Variants in PARD3 observed in about 807,000 individuals in gnomAD.
PARD3 encodes partitioning defective 3 homolog.
In PARD3, 75 loss-of-function variants were observed where a neutral mutation model predicts 155.4. The observed-to-expected ratio is 0.48, with a 90% CI of 0.40 to 0.58. The LOEUF is 0.58. Ranked by LOEUF, PARD3 falls within the 20% of genes least tolerant of loss-of-function variation. PARD3 has a pLI of 0.00. For synonymous variants in PARD3, 576 were observed against 610.5 expected (o/e 0.94, Z 0.83); for missense variants, 1,642 against 1,721.7 (o/e 0.95, Z 0.82).
chr10:34,345,999 T>C, intron 15 of PARD3: 6 of 985,118 alleles, frequency 6.1e-6, no homozygotes, highest in Non-Finnish European at 7.2e-6. Context: ...CTTAAGAAAA[T>C]ATCCAAATCA....
chr10:34,206,246 A>G (rs953814202), intron 22 of PARD3, among the ~76,000 whole-genome samples: 3 of 152,356 alleles, frequency 2.0e-5, no homozygotes, highest in East Asian at 1.9e-4. Context: ...TTGCTGGTCC[A>G]GGGCTCTAGC....
intron 5 of PARD3, among the ~76,000 whole-genome samples, chr10:34,408,246 A>G (rs922186506): frequency 6.6e-6 from 1 of 152,114 alleles, no homozygotes; most frequent in Non-Finnish European, 1.5e-5. Context: ...TCATGGTACA[A>G]TTTACAATAT....
chr10:34,126,526 G>A (rs934350945), intron 23 of PARD3, among the ~76,000 whole-genome samples: 1 of 152,138 alleles, frequency 6.6e-6, no homozygotes, highest in Admixed American at 6.6e-5. Context: ...AAACTAAAAT[G>A]ATTACAAACC....
chr10:34,468,941 G>A lies in PARD3; in HGVS notation c.582+1144C>T, dbSNP rs546760567. 9.9e-5 allele frequency among the ~76,000 whole-genome samples: 15 copies of A among 152,276 alleles called. No homozygotes were observed. The South Asian group carries it at 2.9e-3, about 29-fold the overall frequency. On this transcript the variant is annotated intron_variant, in intron 4 of 24. Transcript: ENST00000374788. ...ATTTTGACATTTCTCAATATATACTGTGCTAACTTACTGGCTGCACTGAAA... is the reference window on the plus strand; with the variant it reads ...ATTTTGACATTTCTCAATATATACTATGCTAACTTACTGGCTGCACTGAAA...
chr10:34,367,214 T>C (rs1840048349), intron 12 of PARD3, among the ~76,000 whole-genome samples: 1 of 152,190 alleles, frequency 6.6e-6, no homozygotes, highest in East Asian at 1.9e-4. Flanking sequence ...ACAAACGTAA[T>C]AGGTTAAAGG....
intron 2 of PARD3, among the ~76,000 whole-genome samples, chr10:34,683,459 T>C (rs1564502879): frequency 4.0e-5 from 6 of 148,448 alleles, no homozygotes. Flanking sequence ...ATGGGAAAAA[T>C]GAGGTAAGAG....
At chr10:34,135,456 A>G (rs1947843459) in intron 22 of PARD3, among the ~76,000 whole-genome samples, 1 of 152,204 alleles carries the variant, frequency 6.6e-6, no homozygotes, top group South Asian at 2.1e-4. Context: ...GCACAGAACT[A>G]TGTGACCCTG....
chr10:34,502,363 A>C (rs1276461087), intron 3 of PARD3, among the ~76,000 whole-genome samples: 3 of 152,174 alleles, frequency 2.0e-5, no homozygotes, highest in East Asian at 1.9e-4. Flanking sequence ...TACACGAAGG[A>C]AGGCAAGTGG....
chr10:34,173,125 G>C (rs1038221519), intron 22 of PARD3, among the ~76,000 whole-genome samples: 2 of 152,154 alleles, frequency 1.3e-5, no homozygotes, highest in African/African-American at 4.8e-5. Flanking sequence ...TGCACATATG[G>C]ATGCCTTATT....
chr10:34,491,878 G>A (rs1472058932), intron 3 of PARD3, among the ~76,000 whole-genome samples: 1 of 152,178 alleles, frequency 6.6e-6, no homozygotes, highest in East Asian at 1.9e-4. Flanking sequence ...GGTTTCCTAG[G>A]CAACAAGCAC....
intron 2 of PARD3, among the ~76,000 whole-genome samples, chr10:34,695,348 G>A (rs1167049813): frequency 7.9e-5 from 12 of 151,886 alleles, no homozygotes; most frequent in Admixed American, 5.9e-4. Context: ...GGTGGTGCAC[G>A]CCTATAATCC....
intron 4 of PARD3, among the ~76,000 whole-genome samples, chr10:34,469,280 T>C (rs1017263384): frequency 9.9e-5 from 15 of 152,260 alleles, no homozygotes; most frequent in African/African-American, 2.4e-4. Context: ...CTGGCTAATT[T>C]TTGTATTTTT....
chr10:34,172,343 C>T (rs1949835779), intron 22 of PARD3, among the ~76,000 whole-genome samples: 1 of 152,150 alleles, frequency 6.6e-6, no homozygotes, highest in South Asian at 2.1e-4. Context: ...TATAAAACTT[C>T]ATTCTACTAA....
At chr10:34,451,559 C>A (rs1477191658) in intron 4 of PARD3, among the ~76,000 whole-genome samples, 5 of 152,088 alleles carry the variant, frequency 3.3e-5, no homozygotes, top group Non-Finnish European at 7.4e-5. Flanking sequence ...ATACTATTTG[C>A]TCTTCCTTCA....
At chr10:34,697,042 A>C (rs1463502712) in intron 1 of PARD3, among the ~76,000 whole-genome samples, 6 of 150,532 alleles carry the variant, frequency 4.0e-5, no homozygotes, top group Non-Finnish European at 7.4e-5. Context: ...GTAAACACAC[A>C]CACACACACA....
chr10:34,181,266 C>T (rs996047992), intron 22 of PARD3, among the ~76,000 whole-genome samples: 2 of 152,200 alleles, frequency 1.3e-5, no homozygotes, highest in East Asian at 1.9e-4. Flanking sequence ...AATGACAACA[C>T]CAGACCAACC....
At chr10:34,183,735 C>T (rs1055817595) in intron 22 of PARD3, among the ~76,000 whole-genome samples, 13 of 152,318 alleles carry the variant, frequency 8.5e-5, no homozygotes, top group Non-Finnish European at 1.2e-4. Context: ...ACTTTTCTGC[C>T]GCACACTGGG....
At chr10:34,497,519 A>T (rs1421013750) in intron 3 of PARD3, among the ~76,000 whole-genome samples, 1 of 152,290 alleles carries the variant, frequency 6.6e-6, no homozygotes, top group South Asian at 2.1e-4. Flanking sequence ...CCCACAATTA[A>T]GGTTATATTT....
intron 1 of PARD3, among the ~76,000 whole-genome samples, chr10:34,793,762 G>C (rs1841940560): frequency 6.8e-6 from 1 of 147,652 alleles, no homozygotes; most frequent in South Asian, 2.1e-4. Context: ...TGGGCAACAA[G>C]AGTGAAACTC....
Sources: gnomAD v4.1 joint callset for allele counts (sites outside exome capture counted in the v4.1 genomes callset) on GRCh38, gnomAD v4.1.1 for gene constraint, MANE v1.5 for transcripts, NCBI Gene and HGNC (gene_info 2026-07-23, HGNC 2026-07-21) for gene names.